Variants in LRRC1 observed in about 807,000 individuals in gnomAD.
The protein encoded by LRRC1 is leucine-rich repeat-containing protein 1.
In LRRC1, 28 loss-of-function variants were observed where a neutral mutation model predicts 69.9. The ratio of observed to expected loss-of-function variants is 0.40; its 90% CI spans 0.30 to 0.55. The LOEUF (loss-of-function observed/expected upper bound fraction) is 0.55, where lower values mean the gene tolerates loss of function less well. LRRC1 is among the 20% of genes least tolerant of loss of function. LRRC1 has a pLI of 0.47. For missense variants in LRRC1, 498 were observed against 609.0 expected (o/e 0.82, Z 1.92); for synonymous variants, 236 against 240.2 (o/e 0.98, Z 0.16).
intron 9 of LRRC1, among the ~76,000 whole-genome samples, chr6:53,903,693 C>G (rs1396280136): frequency 1.3e-5 from 2 of 152,148 alleles, no homozygotes; most frequent in Non-Finnish European, 2.9e-5. Context: ...GGTGGGGAGC[C>G]CAGCAGCCCC....
intron 8 of LRRC1, among the ~76,000 whole-genome samples, chr6:53,901,091 G>T (rs1768044183): frequency 6.6e-6 from 1 of 152,182 alleles, no homozygotes; most frequent in African/African-American, 2.4e-5. Flanking sequence ...ATCGTTTATG[G>T]CATCTGAAAA....
At chr6:53,899,111 C>G (rs972552332) in intron 7 of LRRC1, among the ~76,000 whole-genome samples, 82 of 152,154 alleles carry the variant, frequency 5.4e-4, no homozygotes, top group African/African-American at 1.9e-3. Flanking sequence ...AGAGAGAAAG[C>G]TTGCACTTTG....
intron 1 of LRRC1, among the ~76,000 whole-genome samples, chr6:53,827,083 T>A (rs1229585934): frequency 6.6e-6 from 1 of 152,128 alleles, no homozygotes; most frequent in Admixed American, 6.6e-5. Context: ...TCCCAAACCC[T>A]TGTGCCTGGA....
intron 1 of LRRC1, among the ~76,000 whole-genome samples, chr6:53,824,193 G>A (rs906547530): frequency 6.6e-6 from 1 of 151,736 alleles, no homozygotes; most frequent in African/African-American, 2.4e-5. Flanking sequence ...ATTCTGATTG[G>A]TGTGAGATGG....
At chr6:53,838,851 T>C (rs1765684857) in intron 1 of LRRC1, among the ~76,000 whole-genome samples, 5 of 152,214 alleles carry the variant, frequency 3.3e-5, no homozygotes, top group Admixed American at 3.3e-4. Context: ...CTGAGATTTA[T>C]AGTTCATTTT....
At chr6:53,875,600 G>A (rs979643014) in intron 2 of LRRC1, among the ~76,000 whole-genome samples, 37 of 152,066 alleles carry the variant, frequency 2.4e-4, no homozygotes, top group African/African-American at 8.2e-4. Context: ...GAAAAAAATC[G>A]TAATTTAAAA....
At chr6:53,853,021 G>T (rs1766188537) in intron 2 of LRRC1, among the ~76,000 whole-genome samples, 1 of 152,134 alleles carries the variant, frequency 6.6e-6, no homozygotes, top group South Asian at 2.1e-4. Context: ...CAAAGATGGT[G>T]CCTTGTTGCC....
chr6:53,902,748 G>A lies in LRRC1; in HGVS notation c.906+1G>A. 6.3e-7 allele frequency: 1 copy of A among 1,585,930 alleles called. No individual in the cohort carries two copies. Among genetic ancestry groups the A allele is most frequent in the Non-Finnish European group, 8.6e-7 (1 of 1,158,494 alleles). Reference sequence around the variant, plus strand: ...AGTTCTTACAGAAAATCAGCTCCTGGTAAGTGTGGTTTGCACATATATCAT... The same window carrying A: ...AGTTCTTACAGAAAATCAGCTCCTGATAAGTGTGGTTTGCACATATATCAT... On this transcript the variant is annotated splice_donor_variant, in intron 9 of 13. Coordinates refer to ENST00000370888, the MANE Select transcript of LRRC1 (RefSeq NM_018214.5). LOFTEE classifies it high-confidence loss of function.
At chr6:53,814,301 A>G (rs1764886948) in intron 1 of LRRC1, among the ~76,000 whole-genome samples, 1 of 152,228 alleles carries the variant, frequency 6.6e-6, no homozygotes, top group Admixed American at 6.5e-5. Flanking sequence ...GCAGATAAAA[A>G]GGTGCTTACA....
intron 1 of LRRC1, among the ~76,000 whole-genome samples, chr6:53,833,320 T>C (rs1255536302): frequency 2.6e-5 from 4 of 152,214 alleles, no homozygotes; most frequent in South Asian, 2.1e-4. Flanking sequence ...TTCTTGGTTT[T>C]CAAAGTGATT....
chr6:53,896,470 G>A (rs768604423), intron 4 of LRRC1, 28 bp from the exon 5 acceptor site: 56 of 1,595,264 alleles, frequency 3.5e-5, no homozygotes, highest in Non-Finnish European at 4.6e-5. Flanking sequence ...TTTCTCTTAT[G>A]CTTTTTTTTC....
chr6:53,866,906 A>G (rs1766719769), intron 2 of LRRC1, among the ~76,000 whole-genome samples: 1 of 152,118 alleles, frequency 6.6e-6, no homozygotes, highest in Non-Finnish European at 1.5e-5. Flanking sequence ...GTCAGATCAG[A>G]TGATGCACTT....
chr6:53,884,932 T>C (rs1213598528), intron 4 of LRRC1, among the ~76,000 whole-genome samples: 3 of 152,238 alleles, frequency 2.0e-5, no homozygotes, highest in Non-Finnish European at 4.4e-5. Context: ...CAGCTTCTGT[T>C]ACTATTATAG....
chr6:53,873,100 A>C (rs1172855063), intron 2 of LRRC1, among the ~76,000 whole-genome samples: 1 of 151,664 alleles, frequency 6.6e-6, no homozygotes, highest in Non-Finnish European at 1.5e-5. Context: ...ATATCTTTCC[A>C]TTTATTTATA....
chr6:53,838,431 A>T (rs963130381), intron 1 of LRRC1, among the ~76,000 whole-genome samples: 1 of 152,222 alleles, frequency 6.6e-6, no homozygotes, highest in African/African-American at 2.4e-5. Context: ...CCACAGATGT[A>T]AAGTGAACTT....
Position 53,795,078 on chromosome 6 carries a change from C to A in LRRC1, c.-179C>A. On this transcript the variant is annotated 5_prime_UTR_variant, in exon 1 of 14. Coordinates refer to ENST00000370888, the MANE Select transcript of LRRC1 (RefSeq NM_018214.5). ...GGGTACAGGGACGGGGCAGGGGCTC[C>A]CGCTCCAGGTTCCTTGAAGCACTTC... is the stretch of plus-strand genomic sequence containing the variant. 1 of 562,980 alleles carries A rather than the reference C, an allele frequency of 1.8e-6. No individual in the cohort carries two copies. The highest frequency in any genetic ancestry group is 2.3e-5 in the South Asian group (1 of 42,674). The allele number at this position is 562,980 out of a possible 1,614,324, so 34.9% of individuals were successfully genotyped here. A position where few individuals can be genotyped will look rare whatever the true frequency, so the allele number is the denominator to read the frequency against.
chr6:53,856,959 A>C (rs1195961779), intron 2 of LRRC1, among the ~76,000 whole-genome samples: 1 of 152,160 alleles, frequency 6.6e-6, no homozygotes, highest in Non-Finnish European at 1.5e-5. Context: ...GGTCTGGATA[A>C]GTTCCCACTT....
chr6:53,796,977 T>C (rs35971619), intron 1 of LRRC1, among the ~76,000 whole-genome samples: 23,435 of 152,192 alleles, frequency 0.15, 1,913 homozygotes, highest in Non-Finnish European at 0.17. Context: ...ATGACATTAT[T>C]GAAGATGGAG....
intron 12 of LRRC1, among the ~76,000 whole-genome samples, chr6:53,920,189 C>G (rs1375220602): frequency 1.3e-5 from 2 of 152,164 alleles, no homozygotes; most frequent in Non-Finnish European, 2.9e-5. Flanking sequence ...AGTGGGAGGA[C>G]TTTAAGACCC....
Sources: gnomAD v4.1 joint callset for allele counts (sites outside exome capture counted in the v4.1 genomes callset) on GRCh38, gnomAD v4.1.1 for gene constraint, MANE v1.5 for transcripts, NCBI Gene and HGNC (gene_info 2026-07-23, HGNC 2026-07-21) for gene names.